Variants in KAT2B observed in about 807,000 individuals in gnomAD.
KAT2B encodes the protein lysine acetyltransferase 2B, also known as histone acetyltransferase KAT2B.
In KAT2B, 36 loss-of-function variants were observed where a neutral mutation model predicts 105.9. The observed-to-expected ratio is 0.34, with a 90% CI of 0.26 to 0.45. The LOEUF is 0.45. KAT2B is among the 20% of genes least tolerant of loss of function. The probability of loss-of-function intolerance (pLI) is 1.00; values close to 1 mark genes in which losing one functional copy is unlikely to be tolerated. For synonymous variants in KAT2B, 397 were observed against 377.9 expected (o/e 1.05, Z -0.59); for missense variants, 820 against 1,021.6 (o/e 0.80, Z 2.69).
At chr3:20,047,249 G>A (rs1697828841) in intron 1 of KAT2B, among the ~76,000 whole-genome samples, 1 of 151,888 alleles carries the variant, frequency 6.6e-6, no homozygotes, top group Non-Finnish European at 1.5e-5. Flanking sequence ...TTATAGAGAT[G>A]TTTCGCCAAC....
At chr3:20,138,186 G>A (rs1363740991) in intron 12 of KAT2B, among the ~76,000 whole-genome samples, 1 of 152,070 alleles carries the variant, frequency 6.6e-6, no homozygotes, top group Non-Finnish European at 1.5e-5. Context: ...GAAATTTACT[G>A]TTAATGCTTT....
chr3:20,056,216 A>C (rs1363158297), intron 1 of KAT2B, among the ~76,000 whole-genome samples: 4 of 152,158 alleles, frequency 2.6e-5, no homozygotes, highest in African/African-American at 9.7e-5. Flanking sequence ...GCAGGAATGG[A>C]GGGGTGAGAA....
chr3:20,121,152 A>G (rs923132352), intron 8 of KAT2B, among the ~76,000 whole-genome samples: 1 of 152,186 alleles, frequency 6.6e-6, no homozygotes, highest in South Asian at 2.1e-4. Context: ...AAAACAAACA[A>G]CAAAAAATTG....
chr3:20,109,510 G>A (rs6800085), intron 5 of KAT2B, among the ~76,000 whole-genome samples: 93,908 of 151,888 alleles, frequency 0.62, 29,739 homozygotes, highest in African/African-American at 0.76. Flanking sequence ...AGAGATGGGC[G>A]TCTTACTATG....
intron 14 of KAT2B, chr3:20,146,670 A>ATT (rs10675663): frequency 0.78 from 264,513 of 340,614 alleles, 104,577 homozygotes; most frequent in East Asian, 0.98. Flanking sequence ...TCCACCACTT[A>ATT]ATGAGTCTGC....
intron 1 of KAT2B, among the ~76,000 whole-genome samples, chr3:20,046,574 A>G (rs1177133562): frequency 6.6e-6 from 1 of 152,096 alleles, no homozygotes; most frequent in Non-Finnish European, 1.5e-5. Context: ...AAATAATAAT[A>G]ATAATGATTT....
At chr3:20,108,628 G>A (rs1699064556) in intron 5 of KAT2B, among the ~76,000 whole-genome samples, 1 of 150,394 alleles carries the variant, frequency 6.6e-6, no homozygotes, top group Non-Finnish European at 1.5e-5. Flanking sequence ...ATATGCTGTA[G>A]AGGTTTGCAG....
intron 3 of KAT2B, among the ~76,000 whole-genome samples, chr3:20,096,496 T>A (rs7644277): frequency 0.18 from 27,597 of 152,000 alleles, 3,083 homozygotes; most frequent in South Asian, 0.35. Flanking sequence ...CTGAGGGCAT[T>A]GTAGATTATG....
intron 5 of KAT2B, among the ~76,000 whole-genome samples, chr3:20,110,286 C>T (rs1699096632): frequency 6.6e-6 from 1 of 151,936 alleles, no homozygotes; most frequent in Non-Finnish European, 1.5e-5. Context: ...TGACCTTTTC[C>T]TCGTTTGGTG....
chr3:20,097,440 G>A (rs1284295605), intron 3 of KAT2B, among the ~76,000 whole-genome samples: 2 of 152,086 alleles, frequency 1.3e-5, no homozygotes, highest in African/African-American at 4.8e-5. Context: ...CCTGCAAAAA[G>A]TATTATTCTT....
chr3:20,083,867 AT>A (rs1698565228), intron 2 of KAT2B, among the ~76,000 whole-genome samples: 1 of 152,118 alleles, frequency 6.6e-6, no homozygotes, highest in Non-Finnish European at 1.5e-5. Context: ...GAGGAGGGCC[AT>A]GAGGAGTTCA....
At chr3:20,066,722 A>G (rs1320256520) in intron 1 of KAT2B, among the ~76,000 whole-genome samples, 1 of 151,882 alleles carries the variant, frequency 6.6e-6, no homozygotes, top group East Asian at 1.9e-4. Context: ...TTTAGGGCAC[A>G]CACTATTTAA....
intron 12 of KAT2B, chr3:20,137,445 T>C (rs1162388497): frequency 6.1e-6 from 1 of 163,018 alleles, no homozygotes; most frequent in African/African-American, 2.4e-5. Context: ...CTGGAGTTTA[T>C]AAAAACCTGC....
At chr3:20,143,295 T>G (rs1227097990) in intron 13 of KAT2B, among the ~76,000 whole-genome samples, 1 of 152,278 alleles carries the variant, frequency 6.6e-6, no homozygotes, top group Middle Eastern at 3.4e-3. Context: ...AATGAAAATA[T>G]CTCCTTTCTG....
At chr3:20,147,555 A>G (rs1057433215) in intron 14 of KAT2B, among the ~76,000 whole-genome samples, 4 of 152,218 alleles carry the variant, frequency 2.6e-5, no homozygotes, top group Non-Finnish European at 1.5e-5. Flanking sequence ...ACTTTCTTGC[A>G]TTACAAGCAG....
chr3:20,128,355 T>TA (rs1699447717), intron 11 of KAT2B, among the ~76,000 whole-genome samples: 1 of 152,232 alleles, frequency 6.6e-6, no homozygotes, highest in South Asian at 2.1e-4. Flanking sequence ...ACCTTGTCCC[T>TA]AAGGGAAAAC....
intron 1 of KAT2B, among the ~76,000 whole-genome samples, chr3:20,059,658 T>TTG (rs1698065917): frequency 6.6e-6 from 1 of 152,062 alleles, no homozygotes; most frequent in Admixed American, 6.5e-5. Flanking sequence ...TGAGCCGAGA[T>TTG]CGTACCACTG....
At chr3:20,051,104 G>A (rs1273679059) in intron 1 of KAT2B, among the ~76,000 whole-genome samples, 1 of 150,772 alleles carries the variant, frequency 6.6e-6, no homozygotes, top group Non-Finnish European at 1.5e-5. Flanking sequence ...GGAGGCTGAG[G>A]CATGAGGATG....
At chr3:20,054,130 T>C (rs1395564612) in intron 1 of KAT2B, among the ~76,000 whole-genome samples, 1 of 151,514 alleles carries the variant, frequency 6.6e-6, no homozygotes, top group Non-Finnish European at 1.5e-5. Flanking sequence ...TTGTTTTTTG[T>C]TTTTTTGTTT....
Sources: allele counts gnomAD v4.1 joint callset (sites outside exome capture counted in the v4.1 genomes callset), GRCh38; gene constraint gnomAD v4.1.1; transcripts MANE v1.5; gene names NCBI Gene and HGNC (gene_info 2026-07-23, HGNC 2026-07-21).